The following SBF2 variants were observed in gnomAD, a reference collection of about 807,000 sequenced individuals.
The protein encoded by SBF2 is SET binding factor 2, also known as myotubularin-related protein 13.
SBF2 carries 112 observed loss-of-function variants against 225.2 expected under a neutral mutation model. That is an observed-to-expected ratio of 0.50 (90% confidence interval 0.43 to 0.58). The LOEUF is 0.58. Ranked by LOEUF, SBF2 falls within the 20% of genes least tolerant of loss-of-function variation. The pLI, the probability that SBF2 is intolerant of heterozygous loss-of-function variation, is 0.00. For synonymous variants in SBF2, 763 were observed against 773.3 expected (o/e 0.99, Z 0.22); for missense variants, 1,996 against 2,206.2 (o/e 0.90, Z 1.91).
chr11:10,058,399 A>G (rs1230282685), intron 2 of SBF2, among the ~76,000 whole-genome samples: 1 of 152,244 alleles, frequency 6.6e-6, no homozygotes, highest in Non-Finnish European at 1.5e-5. Context: ...GAATAAATCA[A>G]ACTGAGGAAA....
intron 2 of SBF2, among the ~76,000 whole-genome samples, chr11:10,101,121 G>C (rs893745443): frequency 6.6e-6 from 1 of 152,166 alleles, no homozygotes; most frequent in Non-Finnish European, 1.5e-5. Context: ...GCCTAACTCA[G>C]AGAACCCTCC....
intron 2 of SBF2, among the ~76,000 whole-genome samples, chr11:10,045,750 C>T (rs1004505035): frequency 1.6e-4 from 25 of 152,248 alleles, no homozygotes; most frequent in Non-Finnish European, 2.9e-4. Flanking sequence ...ACACAATCTA[C>T]CAAAACTCAC....
In SBF2 at chr11:9,832,215, G is replaced by C. The variant is rs760170904; in HGVS notation, c.3652+9C>G. 1 of 1,609,226 alleles carries C rather than the reference G, an allele frequency of 6.2e-7. No homozygotes were observed. Among genetic ancestry groups the C allele is most frequent in the Non-Finnish European group, 8.5e-7 (1 of 1,176,028 alleles). On this transcript the variant is annotated intron_variant, in intron 27 of 39. Transcript: ENST00000256190. ...ACGGGTGGTAATTGTGTTATAGAGA[G>C]ATGCTTACCGGCCTGAGGGGAGTTC...
At chr11:9,878,495 T>G (rs1025156614) in intron 17 of SBF2, among the ~76,000 whole-genome samples, 1 of 152,242 alleles carries the variant, frequency 6.6e-6, no homozygotes, top group Non-Finnish European at 1.5e-5. Flanking sequence ...TGGTATTGCC[T>G]AGGTTTTCTT....
rs1591386946 is a variant in SBF2, at chr11:10,303,688, T to TCTCG, written n.386+800_386+803dup. On this transcript the variant is annotated intron_variant and non_coding_transcript_variant, in intron 1 of 5. Transcript: ENST00000685217. This position sits in a 1 kb window ranked among gnomAD's most constrained non-coding sequence, Gnocchi z 5.2. ...GACTAGAAGCCTGTTTGGCTAGTGG[T>TCTCG]CTCGCACCTTTGGCCTCTCCGTCGA... is the stretch of plus-strand genomic sequence containing the variant. 6.6e-6 allele frequency: 1 copy of TCTCG among 152,330 alleles called. No individual in the cohort carries two copies. The highest frequency in any genetic ancestry group is 1.9e-4 in the East Asian group (1 of 5,164). 9.4% of individuals were successfully genotyped at this position (152,330 alleles called of 1,614,324 possible). A position where few individuals can be genotyped will look rare whatever the true frequency, so the allele number is the denominator to read the frequency against.
intron 32 of SBF2, among the ~76,000 whole-genome samples, chr11:9,806,387 A>G (rs1853849109): frequency 6.6e-6 from 1 of 151,920 alleles, no homozygotes; most frequent in Non-Finnish European, 1.5e-5. Flanking sequence ...AAGCATAATA[A>G]AAAAGCAAGA....
intron 1 of SBF2, among the ~76,000 whole-genome samples, chr11:10,253,521 CAG>C (rs1960574483): frequency 6.6e-6 from 1 of 152,064 alleles, no homozygotes; most frequent in Admixed American, 6.6e-5. Flanking sequence ...TGTGGAGAAA[CAG>C]AATATTATGG....
chr11:9,849,962 T>C, intron 22 of SBF2, 61 bp downstream of exon 22: 3 of 1,448,376 alleles, frequency 2.1e-6, no homozygotes, highest in Non-Finnish European at 2.9e-6. Flanking sequence ...TGTGCACAGA[T>C]GGGATCGAGA....
At chr11:10,273,107 A>G (rs1189161667) in intron 1 of SBF2, among the ~76,000 whole-genome samples, 1 of 152,096 alleles carries the variant, frequency 6.6e-6, no homozygotes, top group Non-Finnish European at 1.5e-5. Context: ...ATAAATGAAT[A>G]AATAAATCCC....
At chr11:10,264,076 T>C (rs923583558) in intron 1 of SBF2, among the ~76,000 whole-genome samples, 6 of 152,204 alleles carry the variant, frequency 3.9e-5, no homozygotes, top group Non-Finnish European at 8.8e-5. Context: ...AGCAGGCAGC[T>C]TGGAGATCTT....
intron 6 of SBF2, among the ~76,000 whole-genome samples, chr11:10,018,468 C>G (rs964227081): frequency 1.3e-5 from 2 of 152,084 alleles, no homozygotes. Context: ...CACTAAAATG[C>G]TGAAAGAGCA....
intron 3 of SBF2, among the ~76,000 whole-genome samples, chr11:10,032,899 C>T (rs1191058818): frequency 1.3e-5 from 2 of 152,140 alleles, no homozygotes; most frequent in African/African-American, 2.4e-5. Flanking sequence ...CCCCCCTATT[C>T]ATAGAGGCCA....
intron 32 of SBF2, among the ~76,000 whole-genome samples, chr11:9,803,477 C>G (rs528265119): frequency 2.6e-5 from 4 of 152,136 alleles, no homozygotes; most frequent in African/African-American, 4.8e-5. Flanking sequence ...CTCCTCCCCC[C>G]CAGCCCCATC....
chr11:10,172,446 G>T (rs1956237819), intron 2 of SBF2, among the ~76,000 whole-genome samples: 1 of 152,114 alleles, frequency 6.6e-6, no homozygotes, highest in Non-Finnish European at 1.5e-5. Flanking sequence ...CCACCTCCCA[G>T]GTTCAAGGGA....
rs142165333 is a variant in SBF2 at position 9,873,022 on chromosome 11, C to T, written c.1930-14626G>A. ...GAGATCGAGACCTTCCTGGCTAACA[C>T]GGTGAAACACTGTCTCTACCAAAAA... On this transcript the variant is annotated intron_variant, in intron 17 of 39. Transcript: ENST00000256190. Among the ~76,000 whole-genome samples, 837 of 151,700 alleles carry T rather than the reference C, an allele frequency of 5.5e-3. 19 individuals are homozygous for T. In the East Asian group the frequency reaches 0.063, roughly 11 times the overall value.
chr11:10,098,065 C>G (rs1205706797), intron 2 of SBF2, among the ~76,000 whole-genome samples: 2 of 152,136 alleles, frequency 1.3e-5, no homozygotes, highest in African/African-American at 4.8e-5. Flanking sequence ...GAACATCTCA[C>G]CTATGGTCCC....
At position 10,000,971 on chromosome 11, in the gene SBF2, G is replaced by T. The variant is rs763567646; in HGVS notation, c.804C>A (p.Ser268=). 6.2e-7 allele frequency: 1 copy of T among 1,607,436 alleles called. No individual in the cohort carries two copies. Among genetic ancestry groups the T allele is most frequent in the South Asian group, 1.1e-5 (1 of 90,930 alleles). The change falls in exon 8 of 40, where the codon TCC becomes TCA. Residue 268 remains serine, a synonymous_variant. Transcript: ENST00000256190. Reference sequence around the variant, plus strand: ...GTACTCCAATAATGAAAGGCGTTGGGGAACTTAGAACTTCCAGTAGCTGAG... The same window carrying T: ...GTACTCCAATAATGAAAGGCGTTGGTGAACTTAGAACTTCCAGTAGCTGAG... ...LPAQLLEVLS[S]PTPFIIGVHS...
At chr11:10,196,083 A>G (rs888028194) in intron 1 of SBF2, among the ~76,000 whole-genome samples, 3 of 152,250 alleles carry the variant, frequency 2.0e-5, no homozygotes, top group African/African-American at 4.8e-5. Context: ...AAGCTCAATG[A>G]TAGAAAGACC....
intron 16 of SBF2, among the ~76,000 whole-genome samples, chr11:9,936,009 G>A (rs547391948): frequency 5.9e-5 from 9 of 152,192 alleles, no homozygotes; most frequent in African/African-American, 9.6e-5. Flanking sequence ...TACCATCAGA[G>A]TGAATAGGCA....
Sources: allele counts gnomAD v4.1 joint callset (sites outside exome capture counted in the v4.1 genomes callset), GRCh38; gene constraint gnomAD v4.1.1; non-coding constraint Gnocchi (gnomAD v3.1); transcripts MANE v1.5; gene names NCBI Gene and HGNC (gene_info 2026-07-23, HGNC 2026-07-21).